The following BBX variants were observed in gnomAD, a reference collection of about 807,000 sequenced individuals.
The protein encoded by BBX is HMG box transcription factor BBX.
In BBX, 30 loss-of-function variants were observed where a neutral mutation model predicts 100.2. That is an observed-to-expected ratio of 0.30 (90% confidence interval 0.22 to 0.41). The LOEUF (loss-of-function observed/expected upper bound fraction) is 0.41. BBX is among the 10% of genes least tolerant of loss of function. The pLI is 1.00. For missense variants in BBX, 1,023 were observed against 1,129.8 expected, an observed-to-expected ratio of 0.91 and a Z score of 1.35; for synonymous variants, 376 against 388.1, an observed-to-expected ratio of 0.97 and a Z score of 0.37.
At chr3:107,601,912 G>A (rs1158056555) in intron 2 of BBX, among the ~76,000 whole-genome samples, 1 of 152,190 alleles carries the variant, frequency 6.6e-6, no homozygotes, top group Non-Finnish European at 1.5e-5. Flanking sequence ...CAAAGGACAG[G>A]CTGACTCTTT....
rs1433225106 is a variant in BBX at position 107,605,328 on chromosome 3, A to G, written c.-83-40508A>G. Among the ~76,000 whole-genome samples, 4 of 152,220 alleles carry G rather than the reference A, an allele frequency of 2.6e-5. No homozygotes were observed. In the East Asian group the frequency reaches 7.7e-4, roughly 29 times the overall value. On this transcript the variant is annotated intron_variant, in intron 2 of 17. Coordinates refer to ENST00000325805, the MANE Select transcript of BBX (RefSeq NM_001142568.3). ...ATTTGTCATTTAGGATAAGACTTCAAAGAAAACTAAAAGGAAACAAAAGCT... is the reference window on the plus strand; with the variant it reads ...ATTTGTCATTTAGGATAAGACTTCAGAGAAAACTAAAAGGAAACAAAAGCT...
intron 13 of BBX, among the ~76,000 whole-genome samples, chr3:107,780,818 T>A (rs1201372162): frequency 6.6e-6 from 1 of 152,004 alleles, no homozygotes; most frequent in Non-Finnish European, 1.5e-5. Context: ...AATTGCCTGA[T>A]CTTTAGGGGA....
At chr3:107,742,711 A>G (rs2064213943) in intron 7 of BBX, among the ~76,000 whole-genome samples, 1 of 152,194 alleles carries the variant, frequency 6.6e-6, no homozygotes, top group Non-Finnish European at 1.5e-5. Flanking sequence ...CAGGAGCATG[A>G]TAAGCACAAA....
chr3:107,709,129 T>C (rs2107290129), intron 3 of BBX, among the ~76,000 whole-genome samples: 1 of 151,686 alleles, frequency 6.6e-6, no homozygotes, highest in Non-Finnish European at 1.5e-5. Flanking sequence ...TGGCTAGCTA[T>C]TTTTTTTTAA....
chr3:107,662,066 T>C (rs2058475712), intron 3 of BBX: 1 of 222,128 alleles, frequency 4.5e-6, no homozygotes, highest in African/African-American at 2.3e-5. Context: ...CTCTTGTCAG[T>C]GGTTCTTGCA....
chr3:107,663,127 T>A (rs1037333008), intron 3 of BBX, among the ~76,000 whole-genome samples: 1 of 152,156 alleles, frequency 6.6e-6, no homozygotes. Context: ...CAATACTGAA[T>A]TAAATATTAG....
intron 3 of BBX, among the ~76,000 whole-genome samples, chr3:107,651,306 A>T (rs576277487): frequency 3.9e-5 from 6 of 152,318 alleles, no homozygotes; most frequent in African/African-American, 1.4e-4. Flanking sequence ...GATACTTTTG[A>T]GGAGGGAGAC....
intron 13 of BBX, among the ~76,000 whole-genome samples, chr3:107,784,198 T>C (rs1460841373): frequency 6.6e-6 from 1 of 151,918 alleles, no homozygotes; most frequent in African/African-American, 2.4e-5. Context: ...ATAAGCAAAA[T>C]ATATAATTTG....
intron 2 of BBX, among the ~76,000 whole-genome samples, chr3:107,596,573 A>G (rs1011278116): frequency 6.6e-5 from 10 of 152,102 alleles, no homozygotes; most frequent in African/African-American, 2.4e-4. Context: ...ACACCTTGCA[A>G]TTTCCTGGCA....
At chr3:107,762,966 C>G (rs1414959946) in intron 10 of BBX, among the ~76,000 whole-genome samples, 1 of 151,914 alleles carries the variant, frequency 6.6e-6, no homozygotes, top group African/African-American at 2.4e-5. Context: ...TGTACACAAA[C>G]TTTGTTCCAT....
chr3:107,809,554 A>G lies in BBX; in HGVS notation c.*4097A>G, dbSNP rs2071210502. 6.6e-6 allele frequency: 1 copy of G among 152,178 alleles called. No individual in the cohort carries two copies. The highest frequency in any genetic ancestry group is 1.5e-5 in the Non-Finnish European group (1 of 68,028). 9.4% of individuals were successfully genotyped at this position (152,178 alleles called of 1,614,324 possible). On this transcript the variant is annotated 3_prime_UTR_variant, in exon 18 of 18. Coordinates refer to ENST00000325805, the MANE Select transcript of BBX (RefSeq NM_001142568.3). ...TGGGCTACCTCGGCTTTAAAAGTTA[A>G]TTTCAGTAAGTCCTGTTTCAAAAGT...
chr3:107,666,865 C>T (rs1339601508), intron 3 of BBX, among the ~76,000 whole-genome samples: 12 of 152,296 alleles, frequency 7.9e-5, no homozygotes, highest in African/African-American at 1.4e-4. Context: ...CCACTGCACC[C>T]GGCCTAAAAT....
intron 2 of BBX, among the ~76,000 whole-genome samples, chr3:107,605,637 A>G (rs139084822): frequency 6.6e-6 from 1 of 152,216 alleles, no homozygotes; most frequent in Non-Finnish European, 1.5e-5. Flanking sequence ...CACACAGTTG[A>G]TGGTAGAGTA....
intron 7 of BBX, among the ~76,000 whole-genome samples, chr3:107,742,519 GT>G (rs2064198282): frequency 1.3e-5 from 2 of 151,950 alleles, no homozygotes; most frequent in South Asian, 4.2e-4. Flanking sequence ...GAATAACTAG[GT>G]TTTAAGAGAG....
At chr3:107,567,452 G>A (rs552085656) in intron 2 of BBX, among the ~76,000 whole-genome samples, 163 of 152,098 alleles carry the variant, frequency 1.1e-3, no homozygotes, top group African/African-American at 3.6e-3. Context: ...ATTGGTGATT[G>A]TTATCCACTT....
At chr3:107,771,730 T>C (rs1180201580) in intron 10 of BBX, among the ~76,000 whole-genome samples, 1 of 152,240 alleles carries the variant, frequency 6.6e-6, no homozygotes, top group Non-Finnish European at 1.5e-5. Flanking sequence ...TTTATGACTT[T>C]AGAGTTGTCT....
rs376176906 is a variant in BBX, at chr3:107,731,894, A to G, written c.602-1062A>G. Among the ~76,000 whole-genome samples the G allele has an allele frequency of 2.0e-4, 31 of 152,316 alleles. No homozygotes were observed. The South Asian group carries it at 6.0e-3, about 30-fold the overall frequency. The stretch of plus-strand genomic sequence containing the variant: ...TTCAATTGTAGATTCCTGAAATTAA[A>G]TATACGTTGAGGACCTTATATGTAC... On this transcript the variant is annotated intron_variant, in intron 6 of 17. Coordinates refer to ENST00000325805, the MANE Select transcript of BBX (RefSeq NM_001142568.3).
chr3:107,577,571 A>G lies in BBX; in HGVS notation c.-84+51173A>G, dbSNP rs191226025. ...GAAAGTAATAGTACCTGCCTCACTG[A>G]TTATTAGGCATAAGGAATAATAGAA... On this transcript the variant is annotated intron_variant, in intron 2 of 17. Coordinates refer to ENST00000325805, the MANE Select transcript of BBX (RefSeq NM_001142568.3). 5.6e-4 allele frequency among the ~76,000 whole-genome samples: 86 copies of G among 152,308 alleles called. 1 individual carries two copies. Among genetic ancestry groups the G allele is most frequent in the South Asian group, 1.7e-3 (8 of 4,830 alleles).
rs1235765177 is a variant in BBX, at chr3:107,808,311, T to C, written c.*2854T>C. 1 of 152,212 alleles carries C rather than the reference T, an allele frequency of 6.6e-6. No homozygotes were observed. Among genetic ancestry groups the C allele is most frequent in the East Asian group, 1.9e-4 (1 of 5,202 alleles). 9.4% of individuals were successfully genotyped at this position (152,212 alleles called of 1,614,324 possible). A position where few individuals can be genotyped will look rare whatever the true frequency, so the allele number is the denominator to read the frequency against. ...TTCTGCTTTGTTTTATTCTAAATTG[T>C]TGTATCATATCTTTCTGAAACCATT... On this transcript the variant is annotated 3_prime_UTR_variant, in exon 18 of 18. Transcript: ENST00000325805.
Sources: allele counts gnomAD v4.1 joint callset (sites outside exome capture counted in the v4.1 genomes callset), GRCh38; gene constraint gnomAD v4.1.1; transcripts MANE v1.5; gene names NCBI Gene and HGNC (gene_info 2026-07-23, HGNC 2026-07-21).